Variants in SLC14A2 observed in about 807,000 individuals in gnomAD.
The protein encoded by SLC14A2 is urea transporter 2.
Under a neutral mutation model 104.6 loss-of-function variants are expected in SLC14A2, and 91 were observed. That is an observed-to-expected ratio of 0.87 (90% CI 0.73 to 1.04). The LOEUF is 1.04. Ranked by LOEUF, SLC14A2 falls within the 50% of genes least tolerant of loss-of-function variation. The pLI, the probability that SLC14A2 is intolerant of heterozygous loss-of-function variation, is 0.00. For synonymous variants in SLC14A2, 476 were observed against 466.4 expected (o/e 1.02, Z -0.27); for missense variants, 1,189 against 1,156.0 (o/e 1.03, Z -0.41).
At chr18:45,205,149 C>T in the SLC14A2 span, among the ~76,000 whole-genome samples, 1 of 152,188 alleles carries the variant, frequency 6.6e-6, no homozygotes, top group Non-Finnish European at 1.5e-5. Flanking sequence ...TGCGGGCCTC[C>T]TAATGGCATG....
the SLC14A2 span, among the ~76,000 whole-genome samples, chr18:45,198,321 G>A: frequency 6.6e-6 from 1 of 151,976 alleles, no homozygotes; most frequent in African/African-American, 2.4e-5. Context: ...CATAGATAAA[G>A]TTTACCTGGA....
At chr18:45,661,182 A>AC (rs1345995627) in intron 10 of SLC14A2, among the ~76,000 whole-genome samples, 1 of 152,132 alleles carries the variant, frequency 6.6e-6, no homozygotes, top group East Asian at 1.9e-4. Context: ...GCAATCACCT[A>AC]CCCACCCATC....
chr18:45,519,053 TAGC>T (rs1177254695), intron 2 of SLC14A2, among the ~76,000 whole-genome samples: 1 of 152,146 alleles, frequency 6.6e-6, no homozygotes, highest in Non-Finnish European at 1.5e-5. Context: ...ATTTACAAAA[TAGC>T]AGTGTGCTAG....
chr18:45,330,054 A>G (rs1190889067), intron 1 of SLC14A2, among the ~76,000 whole-genome samples: 1 of 152,182 alleles, frequency 6.6e-6, no homozygotes, highest in East Asian at 1.9e-4. Context: ...CGTTCTACAG[A>G]AGAGGAAACT....
At chr18:45,401,460 A>G (rs1249617089) in intron 1 of SLC14A2, among the ~76,000 whole-genome samples, 2 of 152,156 alleles carry the variant, frequency 1.3e-5, no homozygotes, top group Non-Finnish European at 2.9e-5. Flanking sequence ...TGGCCCTAAG[A>G]TTAAGAATGC....
the SLC14A2 span, among the ~76,000 whole-genome samples, chr18:45,176,518 C>T: frequency 6.6e-6 from 1 of 152,182 alleles, no homozygotes. Context: ...CCAACTAATA[C>T]TTCCATTTCT....
chr18:45,287,978 T>A (rs567482508), intron 1 of SLC14A2, among the ~76,000 whole-genome samples: 1 of 152,364 alleles, frequency 6.6e-6, no homozygotes. Flanking sequence ...TAGCTCCTTT[T>A]GTCTCCTGCC....
chr18:45,533,362 G>A (rs1445653802), intron 2 of SLC14A2, among the ~76,000 whole-genome samples: 1 of 152,122 alleles, frequency 6.6e-6, no homozygotes, highest in East Asian at 1.9e-4. Context: ...ATTAATTATT[G>A]CCTCAATTTC....
chr18:45,200,103 C>T, the SLC14A2 span, among the ~76,000 whole-genome samples: 7 of 152,082 alleles, frequency 4.6e-5, no homozygotes, highest in East Asian at 7.7e-4. Context: ...CTTAATACTT[C>T]GTGCAGTTTT....
chr18:45,299,548 G>A (rs1346572228), intron 1 of SLC14A2, among the ~76,000 whole-genome samples: 4 of 152,146 alleles, frequency 2.6e-5, no homozygotes, highest in Non-Finnish European at 4.4e-5. Flanking sequence ...TTCAACCTCT[G>A]CCTCCCGGGT....
intron 1 of SLC14A2, among the ~76,000 whole-genome samples, chr18:45,240,875 G>T (rs1056362972): frequency 3.3e-5 from 5 of 151,926 alleles, no homozygotes; most frequent in Non-Finnish European, 7.4e-5. Flanking sequence ...GTCCAGGCTG[G>T]TCTCGAACAC....
intron 1 of SLC14A2, among the ~76,000 whole-genome samples, chr18:45,350,621 G>A (rs2085493663): frequency 6.6e-6 from 1 of 152,106 alleles, no homozygotes; most frequent in African/African-American, 2.4e-5. Context: ...TGGCTTCTCG[G>A]GATGCGGTAA....
intron 1 of SLC14A2, among the ~76,000 whole-genome samples, chr18:45,368,149 C>G (rs922974171): frequency 6.6e-6 from 1 of 151,958 alleles, no homozygotes; most frequent in African/African-American, 2.4e-5. Context: ...TTCCCTTTAC[C>G]TAAGTAAAGG....
chr18:45,668,023 G>C lies in SLC14A2; in HGVS notation c.1907+1G>C. On this transcript the variant is annotated splice_donor_variant, in intron 14 of 19. Transcript: ENST00000255226. LOFTEE classifies it high-confidence loss of function. ...CAGCCCTCATCCTGAGTCAGGACAA[G>C]TAAGTCCCAGAGGCTCAGGGTCCAA... 1 of 1,613,930 alleles carries C rather than the reference G, an allele frequency of 6.2e-7. No homozygotes were observed. The highest frequency in any genetic ancestry group is 1.3e-5 in the African/African-American group (1 of 75,036).
At chr18:45,365,757 G>A (rs952686449) in intron 1 of SLC14A2, among the ~76,000 whole-genome samples, 9 of 152,120 alleles carry the variant, frequency 5.9e-5, no homozygotes, top group East Asian at 5.8e-4. Context: ...AGAGGCCTGC[G>A]TTCAAATCAC....
At chr18:45,276,138 G>C (rs1427508103) in intron 1 of SLC14A2, among the ~76,000 whole-genome samples, 2 of 152,230 alleles carry the variant, frequency 1.3e-5, no homozygotes, top group South Asian at 2.1e-4. Context: ...GTGAGGCAGA[G>C]AGTATAGGTA....
At chr18:45,679,107 C>T in intron 19 of SLC14A2, 83 bp downstream of exon 19, 1 of 1,284,672 alleles carries the variant, frequency 7.8e-7, no homozygotes, top group Non-Finnish European at 1.1e-6. Flanking sequence ...GAAAACCTCT[C>T]TCCTCTAAGA....
At chr18:45,578,525 G>A (rs1568283685) in intron 2 of SLC14A2, among the ~76,000 whole-genome samples, 1 of 152,184 alleles carries the variant, frequency 6.6e-6, no homozygotes. Context: ...CTGCAGAAAA[G>A]AGCCAAGGAG....
chr18:45,319,302 C>G (rs1420143581), intron 1 of SLC14A2, among the ~76,000 whole-genome samples: 29 of 152,220 alleles, frequency 1.9e-4, no homozygotes, highest in Non-Finnish European at 1.2e-4. Flanking sequence ...TCTGCCTTTC[C>G]CTCCAGAAAG....
Sources: gnomAD v4.1 joint callset for allele counts (sites outside exome capture counted in the v4.1 genomes callset) on GRCh38, gnomAD v4.1.1 for gene constraint, MANE v1.5 for transcripts, NCBI Gene and HGNC (gene_info 2026-07-23, HGNC 2026-07-21) for gene names.